The following PUM2 variants were observed in gnomAD, a reference collection of about 807,000 sequenced individuals.
PUM2 encodes pumilio RNA binding family member 2.
Under a neutral mutation model 124.5 loss-of-function variants are expected in PUM2, and 57 were observed. That is an observed-to-expected ratio of 0.46 (90% CI 0.37 to 0.57). PUM2 has a LOEUF of 0.57. Among genes scored for constraint, PUM2 ranks in the 20% least tolerant of loss-of-function variants. The pLI is 0.00. For synonymous variants in PUM2, 460 were observed against 446.1 expected, an observed-to-expected ratio of 1.03 and a Z score of -0.39; for missense variants, 1,065 against 1,290.6, an observed-to-expected ratio of 0.83 and a Z score of 2.68.
intron 13 of PUM2, among the ~76,000 whole-genome samples, chr2:20,275,737 G>C (rs1295523871): frequency 6.6e-6 from 1 of 151,928 alleles, no homozygotes; most frequent in African/African-American, 2.4e-5. Flanking sequence ...AGAGACATAG[G>C]AACATCTTAA....
chr2:20,294,047 C>T (rs956741611), intron 9 of PUM2, among the ~76,000 whole-genome samples: 1 of 151,868 alleles, frequency 6.6e-6, no homozygotes, highest in African/African-American at 2.4e-5. Context: ...ATTTAAATAC[C>T]TGGAAAAATA....
At chr2:20,347,108 G>A (rs754484102) in intron 1 of PUM2, among the ~76,000 whole-genome samples, 10 of 152,188 alleles carry the variant, frequency 6.6e-5, no homozygotes, top group Non-Finnish European at 1.5e-4. Flanking sequence ...AACAGTGAGA[G>A]AGTAAGATGT....
At chr2:20,312,130 T>TA in intron 4 of PUM2, 106 bp downstream of exon 4, 3 of 1,058,258 alleles carry the variant, frequency 2.8e-6, no homozygotes, top group Non-Finnish European at 4.0e-6. Context: ...AAATTTCTCT[T>TA]AGCTATAGGA....
chr2:20,304,362 G>A (rs143938975), intron 7 of PUM2, among the ~76,000 whole-genome samples: 1 of 152,040 alleles, frequency 6.6e-6, no homozygotes, highest in East Asian at 1.9e-4. Context: ...ATTTCTGTCT[G>A]GCCAAGTACA....
upstream of PUM2, chr2:20,352,207 A>G (rs76996129): frequency 1.3e-5 from 2 of 152,260 alleles, no homozygotes; most frequent in African/African-American, 4.8e-5. Context: ...TTCTGGAGAC[A>G]GTCTTCCTCT....
intron 10 of PUM2, among the ~76,000 whole-genome samples, chr2:20,287,538 C>A (rs1429019678): frequency 6.6e-6 from 1 of 152,070 alleles, no homozygotes. Flanking sequence ...GGACTAGAGG[C>A]ATAGAAGTGC....
chr2:20,351,514 C>T (rs1286075191), upstream of PUM2, among the ~76,000 whole-genome samples: 1 of 152,240 alleles, frequency 6.6e-6, no homozygotes, highest in Admixed American at 6.5e-5. Context: ...CCAGCTGGGC[C>T]AGTGATTCTC....
chr2:20,296,609 C>A (rs73216207), intron 8 of PUM2, among the ~76,000 whole-genome samples: 2 of 151,450 alleles, frequency 1.3e-5, no homozygotes, highest in African/African-American at 4.9e-5. Flanking sequence ...CCCAGCCCCC[C>A]CAAAAACAAC....
intron 1 of PUM2, among the ~76,000 whole-genome samples, chr2:20,345,785 T>C (rs2149136088): frequency 6.6e-6 from 1 of 152,206 alleles, no homozygotes; most frequent in African/African-American, 2.4e-5. Context: ...GGCAGGAGAA[T>C]CGGTTGAACC....
chr2:20,290,070 A>G (rs987298989), intron 10 of PUM2, among the ~76,000 whole-genome samples: 2 of 152,232 alleles, frequency 1.3e-5, no homozygotes, highest in African/African-American at 4.8e-5. Context: ...TTTCACAAAA[A>G]AGTACTTTGT....
At chr2:20,315,176 CAG>C (rs1370498082) in intron 3 of PUM2, among the ~76,000 whole-genome samples, 1 of 149,622 alleles carries the variant, frequency 6.7e-6, no homozygotes, top group African/African-American at 2.5e-5. Flanking sequence ...GCTGCAATTA[CAG>C]ATGGAAGTGA....
chr2:20,267,404 G>C (rs1276572112), intron 13 of PUM2, among the ~76,000 whole-genome samples: 1 of 152,162 alleles, frequency 6.6e-6, no homozygotes, highest in Non-Finnish European at 1.5e-5. Flanking sequence ...GAATCATACA[G>C]CCAATGTGAT....
chr2:20,300,213 G>C (rs988483977), intron 7 of PUM2, among the ~76,000 whole-genome samples: 7 of 151,734 alleles, frequency 4.6e-5, no homozygotes, highest in Non-Finnish European at 8.8e-5. Context: ...GCAGTAGCAC[G>C]ATCTTGGCTC....
At chr2:20,330,354 C>A (rs1482593040) in intron 1 of PUM2, among the ~76,000 whole-genome samples, 1 of 152,228 alleles carries the variant, frequency 6.6e-6, no homozygotes, top group African/African-American at 2.4e-5. Context: ...CTTCTGCATG[C>A]TAATGAGCTG....
intron 2 of PUM2, among the ~76,000 whole-genome samples, chr2:20,319,500 T>C (rs1044289545): frequency 6.6e-6 from 1 of 152,234 alleles, no homozygotes; most frequent in African/African-American, 2.4e-5. Flanking sequence ...TATACTTCTA[T>C]TAAACTTATC....
In PUM2 at chr2:20,255,628, G is replaced by C. The variant is rs187109830; in HGVS notation, c.2623-287C>G. On this transcript the variant is annotated intron_variant, in intron 17 of 20. Coordinates refer to ENST00000361078, the MANE Select transcript of PUM2 (RefSeq NM_015317.5). ...AACAATGGGAATGAATGGGTGAAAA[G>C]AGAAAGGGTAGTTCAGCATTAAGAA... Among the ~76,000 whole-genome samples, 546 of 152,288 alleles carry C rather than the reference G, an allele frequency of 3.6e-3. 2 individuals are homozygous for C. The highest frequency in any genetic ancestry group is 0.013 in the African/African-American group (532 of 41,554).
intron 8 of PUM2, among the ~76,000 whole-genome samples, 157 bp from the exon 9 acceptor site, chr2:20,294,675 A>G (rs941277095): frequency 1.2e-4 from 19 of 152,224 alleles, no homozygotes; most frequent in Admixed American, 7.9e-4. Flanking sequence ...GGTGACAGCA[A>G]TGGTCTTAAA....
At chr2:20,298,629 G>A (rs1676220021) in intron 7 of PUM2, among the ~76,000 whole-genome samples, 1 of 152,066 alleles carries the variant, frequency 6.6e-6, no homozygotes, top group African/African-American at 2.4e-5. Context: ...AGCACTTTGG[G>A]AGGCCGAGGC....
intron 13 of PUM2, among the ~76,000 whole-genome samples, chr2:20,270,355 T>C (rs561928999): frequency 8.7e-4 from 133 of 152,322 alleles, no homozygotes; most frequent in African/African-American, 3.1e-3. Context: ...AGAAAAATTA[T>C]AGGAGCTGGG....
Sources: gnomAD v4.1 joint callset for allele counts (sites outside exome capture counted in the v4.1 genomes callset) on GRCh38, gnomAD v4.1.1 for gene constraint, MANE v1.5 for transcripts, NCBI Gene and HGNC (gene_info 2026-07-23, HGNC 2026-07-21) for gene names.